CTDSPL2: variants seen among roughly 807,000 people sequenced by gnomAD.
CTDSPL2 encodes the protein CTD small phosphatase-like protein 2.
CTDSPL2 carries 5 observed loss-of-function variants against 60.0 expected under a neutral mutation model. The ratio of observed to expected loss-of-function variants is 0.08; its 90% CI spans 0.04 to 0.18. CTDSPL2 has a LOEUF of 0.18. Ranked by LOEUF, CTDSPL2 falls within the 10% of genes least tolerant of loss-of-function variation. The probability of loss-of-function intolerance (pLI) is 1.00; values close to 1 mark genes in which losing one functional copy is unlikely to be tolerated. For synonymous variants in CTDSPL2, 186 were observed against 189.3 expected (o/e 0.98, Z 0.14); for missense variants, 370 against 548.8 (o/e 0.67, Z 3.26).
intron 1 of CTDSPL2, among the ~76,000 whole-genome samples, chr15:44,445,548 C>T (rs1049111511): frequency 1.3e-5 from 2 of 152,030 alleles, no homozygotes; most frequent in African/African-American, 4.8e-5. Flanking sequence ...ATAGGAGCTG[C>T]CCTGGAACTC....
intron 5 of CTDSPL2, among the ~76,000 whole-genome samples, chr15:44,492,362 A>G (rs1173772588): frequency 1.3e-5 from 2 of 152,152 alleles, no homozygotes; most frequent in African/African-American, 4.8e-5. Context: ...AAAAAGAAAC[A>G]TAGTTTGGTT....
At chr15:44,450,756 C>A (rs747521248) in intron 1 of CTDSPL2, among the ~76,000 whole-genome samples, 1 of 151,460 alleles carries the variant, frequency 6.6e-6, no homozygotes, top group African/African-American at 2.4e-5. Flanking sequence ...CCACCATGTC[C>A]GGCTAATTTT....
At chr15:44,509,828 A>G (rs1299480128) in intron 8 of CTDSPL2, among the ~76,000 whole-genome samples, 5 of 151,786 alleles carry the variant, frequency 3.3e-5, no homozygotes, top group African/African-American at 1.2e-4. Flanking sequence ...TGGGAGGCTG[A>G]GGCAGGAGAA....
chr15:44,436,587 G>T (rs2079986601), intron 1 of CTDSPL2, among the ~76,000 whole-genome samples: 1 of 152,218 alleles, frequency 6.6e-6, no homozygotes, highest in African/African-American at 2.4e-5. Flanking sequence ...GTGTCTCACA[G>T]CTAACTAATG....
intron 10 of CTDSPL2, among the ~76,000 whole-genome samples, chr15:44,515,923 TTCTC>T (rs201686795): frequency 1.2e-4 from 18 of 151,378 alleles, no homozygotes; most frequent in East Asian, 1.9e-4. Flanking sequence ...CGTTCGTTCT[TTCTC>T]TCTCTCTTTC....
At chr15:44,476,182 CCTCATCCTCCTGA>C (rs1265433759) in intron 2 of CTDSPL2, among the ~76,000 whole-genome samples, 5 of 152,132 alleles carry the variant, frequency 3.3e-5, no homozygotes, top group Admixed American at 2.0e-4. Context: ...CATTCTCCTG[CCTCATCCTCCTGA>C]ATAGCTGGGA....
At chr15:44,523,068 C>T (rs1235960434) in intron 12 of CTDSPL2, among the ~76,000 whole-genome samples, 1 of 152,062 alleles carries the variant, frequency 6.6e-6, no homozygotes, top group Non-Finnish European at 1.5e-5. Flanking sequence ...GCAATCTCGG[C>T]TCACTGCAGC....
At chr15:44,461,476 AC>A (rs2080568297) in intron 2 of CTDSPL2, among the ~76,000 whole-genome samples, 1 of 150,642 alleles carries the variant, frequency 6.6e-6, no homozygotes, top group African/African-American at 2.4e-5. Flanking sequence ...GCAGCCTTGA[AC>A]TCCTGAGCTG....
intron 7 of CTDSPL2, among the ~76,000 whole-genome samples, chr15:44,497,799 C>A (rs1366045383): frequency 6.6e-6 from 1 of 152,052 alleles, no homozygotes; most frequent in African/African-American, 2.4e-5. Flanking sequence ...GAGTTTGAGA[C>A]CAGCCTGACC....
chr15:44,486,056 G>A (rs2081112853), intron 3 of CTDSPL2, among the ~76,000 whole-genome samples: 1 of 152,154 alleles, frequency 6.6e-6, no homozygotes, highest in South Asian at 2.1e-4. Flanking sequence ...GTGTCCATAA[G>A]TAATTTTTGA....
At chr15:44,471,125 C>A (rs576250376) in intron 2 of CTDSPL2, among the ~76,000 whole-genome samples, 1 of 152,154 alleles carries the variant, frequency 6.6e-6, no homozygotes, top group South Asian at 2.1e-4. Context: ...TTCCTTCACA[C>A]ACACAACATA....
At chr15:44,430,006 T>G (rs1257516276) in intron 1 of CTDSPL2, among the ~76,000 whole-genome samples, 2 of 152,254 alleles carry the variant, frequency 1.3e-5, no homozygotes, top group African/African-American at 4.8e-5. Context: ...ATAGTGTCTC[T>G]TGTGCATTTA....
chr15:44,435,710 G>A (rs993198253), intron 1 of CTDSPL2, among the ~76,000 whole-genome samples: 11 of 147,760 alleles, frequency 7.4e-5, no homozygotes, highest in Non-Finnish European at 8.9e-5. Flanking sequence ...GGGTTCAAGC[G>A]ATTCTCCTGC....
intron 2 of CTDSPL2, among the ~76,000 whole-genome samples, chr15:44,482,302 C>A (rs2081042922): frequency 6.6e-6 from 1 of 152,112 alleles, no homozygotes; most frequent in Non-Finnish European, 1.5e-5. Flanking sequence ...AGCCCAGCTC[C>A]AATCATTGTT....
chr15:44,472,526 T>C lies in CTDSPL2; in HGVS notation c.187-11698T>C, dbSNP rs183430491. Among the ~76,000 whole-genome samples the C allele has an allele frequency of 4.5e-3, 679 of 152,268 alleles. 4 individuals are homozygous for C. Among genetic ancestry groups the C allele is most frequent in the African/African-American group, 0.016 (646 of 41,560 alleles). On this transcript the variant is annotated intron_variant, in intron 2 of 12. Coordinates refer to ENST00000260327, the MANE Select transcript of CTDSPL2 (RefSeq NM_016396.3). ...TATTTTAATTGTATTATTTTTATTA[T>C]TGAATTGTAAGAGGTGGTTTTTTTT...
chr15:44,457,766 C>G (rs2080479140), intron 1 of CTDSPL2, among the ~76,000 whole-genome samples: 1 of 152,104 alleles, frequency 6.6e-6, no homozygotes. Flanking sequence ...CCCCTGCCAC[C>G]ACGCCCACCT....
At position 44,506,577 on chromosome 15, in the gene CTDSPL2, G is replaced by A. The variant is rs138230264; in HGVS notation, c.969+6764G>A. Among the ~76,000 whole-genome samples the A allele has an allele frequency of 2.9e-3, 438 of 151,082 alleles. 3 individuals are homozygous for A. The highest frequency in any genetic ancestry group is 0.01 in the African/African-American group (417 of 41,132). ...TGGGACTACAGGAATGTGCCACCAT[G>A]CCCTTTTTTGTATGTTTTGTAGAGA... On this transcript the variant is annotated intron_variant, in intron 8 of 12. Transcript: ENST00000260327.
chr15:44,501,591 G>T (rs1275083702), intron 8 of CTDSPL2, among the ~76,000 whole-genome samples: 1 of 152,036 alleles, frequency 6.6e-6, no homozygotes, highest in Non-Finnish European at 1.5e-5. Context: ...TGTATGTACT[G>T]CATCTACCTC....
At chr15:44,442,795 G>T (rs1261512237) in intron 1 of CTDSPL2, among the ~76,000 whole-genome samples, 1 of 152,072 alleles carries the variant, frequency 6.6e-6, no homozygotes, top group Non-Finnish European at 1.5e-5. Flanking sequence ...GGGCAATATA[G>T]TGGTACCCCA....
Sources: allele counts gnomAD v4.1 joint callset (sites outside exome capture counted in the v4.1 genomes callset), GRCh38; gene constraint gnomAD v4.1.1; transcripts MANE v1.5; gene names NCBI Gene and HGNC (gene_info 2026-07-23, HGNC 2026-07-21).